The following DMXL2 variants were observed in gnomAD, a reference collection of about 807,000 sequenced individuals.
The protein encoded by DMXL2 is dmX-like protein 2.
Under a neutral mutation model 331.1 loss-of-function variants are expected in DMXL2, and 103 were observed. The ratio of observed to expected loss-of-function variants is 0.31; its 90% CI spans 0.27 to 0.37. The LOEUF is 0.37. DMXL2 is among the 10% of genes least tolerant of loss of function. The pLI is 1.00. For missense variants in DMXL2, 3,171 were observed against 3,642.9 expected (o/e 0.87, Z 3.33); for synonymous variants, 1,281 against 1,252.1 (o/e 1.02, Z -0.49).
At chr15:51,470,961 G>C (rs1334192986) in intron 29 of DMXL2, among the ~76,000 whole-genome samples, 1 of 152,144 alleles carries the variant, frequency 6.6e-6, no homozygotes, top group Non-Finnish European at 1.5e-5. Flanking sequence ...ACTCGAAAAA[G>C]ATGGTGCTGA....
chr15:51,484,847 T>C (rs1253415135), intron 23 of DMXL2, among the ~76,000 whole-genome samples: 1 of 151,932 alleles, frequency 6.6e-6, no homozygotes, highest in Non-Finnish European at 1.5e-5. Flanking sequence ...AAAGAATACA[T>C]GATGTGAATT....
rs772446776 is a variant in DMXL2 at position 51,498,536 on chromosome 15, T to C, written c.4672+16A>G. The C allele has an allele frequency of 6.3e-6, 10 of 1,590,784 alleles. No homozygotes were observed. Among genetic ancestry groups the C allele is most frequent in the Non-Finnish European group, 6.0e-6 (7 of 1,169,972 alleles). On this transcript the variant is annotated intron_variant, in intron 18 of 43. Coordinates refer to ENST00000560891, the MANE Select transcript of DMXL2 (RefSeq NM_001378457.1). ...TATTAGGTACAACTTTATAAATTTT[T>C]AGCGAGAATATTTACCTGAGCAACT...
At chr15:51,553,460 T>C (rs1197937288) in intron 6 of DMXL2, among the ~76,000 whole-genome samples, 1 of 152,150 alleles carries the variant, frequency 6.6e-6, no homozygotes, top group Non-Finnish European at 1.5e-5. Context: ...TGCATTTTCT[T>C]TGCCCCGTTA....
In DMXL2 at chr15:51,581,798, T is replaced by C. The variant is rs181256807; in HGVS notation, c.88-5617A>G. On this transcript the variant is annotated intron_variant, in intron 1 of 43. Coordinates refer to ENST00000560891, the MANE Select transcript of DMXL2 (RefSeq NM_001378457.1). ...AATTACATTAGCATTTACTATAGAA[T>C]AGTTGGATGTTTTAACATCCCGGAA... Among the ~76,000 whole-genome samples the C allele has an allele frequency of 3.3e-5, 5 of 152,302 alleles. No individual in the cohort carries two copies. The East Asian group carries it at 9.6e-4, about 29-fold the overall frequency.
In DMXL2 at chr15:51,451,614, A is replaced by G. The variant is rs533524255; in HGVS notation, c.8749+31T>C. 28 of 1,555,958 alleles carry G rather than the reference A, an allele frequency of 1.8e-5. 1 individual carries two copies. The Admixed American group carries it at 4.6e-4, about 26-fold the overall frequency. ...TCATGGTGTATTATTCCTTCATGGT[A>G]TATTTTTAAAAATCATAGACCTTAA... On this transcript the variant is annotated intron_variant, in intron 42 of 43. Transcript: ENST00000560891.
intron 1 of DMXL2, among the ~76,000 whole-genome samples, chr15:51,619,984 T>C (rs1217883517): frequency 1.3e-5 from 2 of 152,202 alleles, no homozygotes; most frequent in African/African-American, 4.8e-5. Context: ...AGTTTCTTCA[T>C]CTGATTGCTC....
Position 51,480,114 on chromosome 15 carries a change from G to C in DMXL2, c.6590C>G (p.Ser2197Cys). Residue 2197 changes from serine (S) to cysteine (C), a missense_variant, in exon 25 of 44, where the codon TCT (serine) becomes TGT (cysteine). Ser to Cys is a moderately radical substitution (Grantham distance 112, BLOSUM62 -1). Coordinates refer to ENST00000560891, the MANE Select transcript of DMXL2 (RefSeq NM_001378457.1). ...TAGGGTGGTAGGCAGTGGTAGTGGA[G>C]ACTGGAGCTGCTTTACTGTAGTTTC... is the stretch of plus-strand genomic sequence containing the variant. The part of the protein sequence containing the change: ...QQETTVKQLQ[S>C]PLPLPTTLPL... 6.4e-7 allele frequency: 1 copy of C among 1,566,464 alleles called. No individual in the cohort carries two copies. Among genetic ancestry groups the C allele is most frequent in the African/African-American group, 1.4e-5 (1 of 73,902 alleles).
In DMXL2 at chr15:51,469,604, T is replaced by C. The variant is rs903390421; in HGVS notation, c.7392+1619A>G. ...TGCTATTTCCCTTCTTTATAATATT[T>C]TGCATTTTCCAAATTTTCAGAACAT... On this transcript the variant is annotated intron_variant, in intron 29 of 43. Transcript: ENST00000560891. Among the ~76,000 whole-genome samples the C allele has an allele frequency of 3.9e-5, 6 of 152,186 alleles. No homozygotes were observed. In the South Asian group the frequency reaches 8.3e-4, roughly 21 times the overall value.
intron 27 of DMXL2, among the ~76,000 whole-genome samples, chr15:51,475,221 G>A (rs2041469625): frequency 6.6e-6 from 1 of 152,272 alleles, no homozygotes; most frequent in African/African-American, 2.4e-5. Context: ...GCTGGGCACG[G>A]TGGCTCACAC....
At chr15:51,514,796 C>G (rs1434546557) in intron 14 of DMXL2, among the ~76,000 whole-genome samples, 7 of 127,924 alleles carry the variant, frequency 5.5e-5, no homozygotes, top group Non-Finnish European at 1.7e-5. Flanking sequence ...AGCTCTAGTA[C>G]AAACAAATCA....
chr15:51,593,453 C>A (rs1370744833), intron 1 of DMXL2, among the ~76,000 whole-genome samples: 1 of 152,104 alleles, frequency 6.6e-6, no homozygotes, highest in Non-Finnish European at 1.5e-5. Context: ...TAGACTCCCA[C>A]ACAATAATAA....
At chr15:51,478,209 T>A in intron 26 of DMXL2, 62 bp downstream of exon 26, 2 of 1,384,518 alleles carry the variant, frequency 1.4e-6, no homozygotes, top group Non-Finnish European at 2.0e-6. Flanking sequence ...AAACTTAATA[T>A]AACTCTGGAA....
At chr15:51,459,925 G>C in intron 33 of DMXL2, 4 of 1,092,020 alleles carry the variant, frequency 3.7e-6, no homozygotes, top group Non-Finnish European at 4.5e-6. Flanking sequence ...TCTGTATACA[G>C]TTTTAAGAAA....
At chr15:51,505,473 C>G (rs2046348189) in intron 16 of DMXL2, among the ~76,000 whole-genome samples, 1 of 152,266 alleles carries the variant, frequency 6.6e-6, no homozygotes, top group South Asian at 2.1e-4. Flanking sequence ...ACTCCCATTT[C>G]TGTGCCCAAC....
chr15:51,527,186 C>A (rs1193183915), intron 13 of DMXL2, among the ~76,000 whole-genome samples: 2 of 152,044 alleles, frequency 1.3e-5, no homozygotes, highest in Non-Finnish European at 2.9e-5. Context: ...TCCAATACGT[C>A]TGGCGGCAGA....
rs528256179 is a variant in DMXL2 at position 51,455,334 on chromosome 15, TCTAA to T, written c.8527-110_8527-107del. 1.2e-4 allele frequency: 106 copies of T among 912,202 alleles called. 1 individual carries two copies. Among genetic ancestry groups the T allele is most frequent in the African/African-American group, 3.0e-4 (18 of 60,378 alleles). The allele number at this position is 912,202 out of a possible 1,614,324, so 56.5% of individuals were successfully genotyped here. Reference sequence around the variant, plus strand: ...GGCCCTACTAAATAAACATTCTGCCTCTAACTATGTTTCTGTTGCTGTCATTCCC... The same window carrying T: ...GGCCCTACTAAATAAACATTCTGCCTCTATGTTTCTGTTGCTGTCATTCCC... On this transcript the variant is annotated intron_variant, in intron 39 of 43. Coordinates refer to ENST00000560891, the MANE Select transcript of DMXL2 (RefSeq NM_001378457.1).
intron 14 of DMXL2, among the ~76,000 whole-genome samples, chr15:51,515,465 G>C (rs966828152): frequency 6.6e-6 from 1 of 152,140 alleles, no homozygotes; most frequent in African/African-American, 2.4e-5. Context: ...ACAATTTTAT[G>C]AAAGTTATAG....
chr15:51,561,299 T>A (rs150408726), intron 6 of DMXL2, among the ~76,000 whole-genome samples: 8 of 152,252 alleles, frequency 5.3e-5, no homozygotes, highest in African/African-American at 1.9e-4. Context: ...TTGGATAGTG[T>A]GCTTTGGCTT....
chr15:51,621,994 G>C (rs1247139500), intron 1 of DMXL2, among the ~76,000 whole-genome samples: 1 of 152,072 alleles, frequency 6.6e-6, no homozygotes, highest in Non-Finnish European at 1.5e-5. Flanking sequence ...CAGCGGGCAG[G>C]GGGAGCCAAG....
Sources: allele counts gnomAD v4.1 joint callset (sites outside exome capture counted in the v4.1 genomes callset), GRCh38; gene constraint gnomAD v4.1.1; transcripts MANE v1.5; gene names NCBI Gene and HGNC (gene_info 2026-07-23, HGNC 2026-07-21).